MALRD1: variants seen among roughly 807,000 people sequenced by gnomAD.
MALRD1 encodes MAM and LDL-receptor class A domain-containing protein 1.
Under a neutral mutation model 242.1 loss-of-function variants are expected in MALRD1, and 247 were observed. The ratio of observed to expected loss-of-function variants is 1.02; its 90% CI spans 0.92 to 1.13. The LOEUF (loss-of-function observed/expected upper bound fraction) is 1.13. Ranked by LOEUF, MALRD1 falls within the 50% of genes most tolerant of loss-of-function variation. The pLI, the probability that MALRD1 is intolerant of heterozygous loss-of-function variation, is 0.00. For missense variants in MALRD1, 2,989 were observed against 2,533.1 expected, an observed-to-expected ratio of 1.18 and a Z score of -3.86; for synonymous variants, 995 against 866.6, an observed-to-expected ratio of 1.15 and a Z score of -2.60.
intron 2 of MALRD1, among the ~76,000 whole-genome samples, chr10:19,082,658 A>T (rs79675557): frequency 6.0e-5 from 2 of 33,060 alleles, no homozygotes; most frequent in African/African-American, 1.4e-4. Context: ...TTCTCACTTT[A>T]AAAAAAAACC....
intron 12 of MALRD1, among the ~76,000 whole-genome samples, chr10:19,159,568 T>C (rs1481209661): frequency 6.6e-6 from 1 of 151,426 alleles, no homozygotes; most frequent in African/African-American, 2.4e-5. Context: ...TAGAACGAAG[T>C]CCACAGGGAA....
chr10:19,114,670 G>A (rs190509803), intron 5 of MALRD1, among the ~76,000 whole-genome samples: 9 of 152,038 alleles, frequency 5.9e-5, no homozygotes, highest in African/African-American at 1.7e-4. Flanking sequence ...TTTCACATAT[G>A]TGGACCACTA....
chr10:19,199,315 T>A (rs2131603117), intron 14 of MALRD1, among the ~76,000 whole-genome samples: 1 of 152,328 alleles, frequency 6.6e-6, no homozygotes, highest in Non-Finnish European at 1.5e-5. Context: ...TAAAAACACA[T>A]AGCATAATGC....
Position 19,165,677 on chromosome 10 carries a change from C to T in MALRD1, c.1697C>T (p.Ser566Leu), listed in dbSNP as rs1834658061. The T allele has an allele frequency of 8.1e-7, 1 of 1,231,488 alleles. No individual in the cohort carries two copies. The highest frequency in any genetic ancestry group is 4.2e-5 in the Admixed American group (1 of 23,688). The allele number at this position is 1,231,488 out of a possible 1,614,324, so 76.3% of individuals were successfully genotyped here. A position where few individuals can be genotyped will look rare whatever the true frequency, so the allele number is the denominator to read the frequency against. ...WYHLSQHSNL[S>L]VFTRTSLDGN... ...CATTTGTCTCAACATTCAAATCTCT[C>T]AGTTTTTACAAGAACGTCTCTAGAT... The change falls in exon 13 of 40, where the codon TCA becomes TTA. Residue 566 changes from serine (S) to leucine (L), a missense_variant. By Grantham distance (145) the Ser-to-Leu change is moderately radical (BLOSUM62 -2). Transcript: ENST00000454679.
At chr10:19,308,759 T>C (rs1842320368) in intron 21 of MALRD1, among the ~76,000 whole-genome samples, 1 of 151,540 alleles carries the variant, frequency 6.6e-6, no homozygotes, top group Non-Finnish European at 1.5e-5. Context: ...AGTGTGCCTT[T>C]CCTATCTCAG....
chr10:19,527,582 C>T (rs1834161529), intron 31 of MALRD1, among the ~76,000 whole-genome samples: 1 of 152,116 alleles, frequency 6.6e-6, no homozygotes, highest in East Asian at 1.9e-4. Context: ...ATAGAATCTG[C>T]TTCTGAGATG....
At chr10:19,652,412 A>G (rs1043393062) in intron 36 of MALRD1, among the ~76,000 whole-genome samples, 1 of 152,212 alleles carries the variant, frequency 6.6e-6, no homozygotes, top group African/African-American at 2.4e-5. Context: ...CCCATATGAG[A>G]GAGGCATGGA....
chr10:19,392,371 C>T (rs918646726), intron 28 of MALRD1, among the ~76,000 whole-genome samples: 1 of 152,148 alleles, frequency 6.6e-6, no homozygotes, highest in Non-Finnish European at 1.5e-5. Context: ...AAGTGTTCCA[C>T]ACTGACTTTA....
chr10:19,216,142 G>T (rs1448114107), intron 18 of MALRD1, among the ~76,000 whole-genome samples: 4 of 124,120 alleles, frequency 3.2e-5, no homozygotes, highest in African/African-American at 1.2e-4. Context: ...TTTTGAGACA[G>T]CGTCTTTCTC....
chr10:19,491,741 T>C (rs2131220127), intron 30 of MALRD1, 96 bp downstream of exon 30: 3 of 1,350,532 alleles, frequency 2.2e-6, no homozygotes, highest in Middle Eastern at 1.9e-4. Context: ...AGAAGAAATA[T>C]TATTTTCATG....
At chr10:19,066,214 C>T (rs547842298) in intron 1 of MALRD1, among the ~76,000 whole-genome samples, 15 of 152,178 alleles carry the variant, frequency 9.9e-5, no homozygotes, top group South Asian at 4.1e-4. Context: ...AAAATCTTTA[C>T]GCGTTAAGTC....
rs149003971 is a variant in MALRD1, at chr10:19,057,954, T to A, written c.200-8765T>A. Among the ~76,000 whole-genome samples the A allele has an allele frequency of 6.1e-3, 930 of 152,346 alleles. 9 individuals are homozygous for A. The highest frequency in any genetic ancestry group is 0.022 in the African/African-American group (896 of 41,582). ...ATATTAAGCATATGTGTAATATATT[T>A]AACAAATAAAGTTGGCCTTCCAAAT... On this transcript the variant is annotated intron_variant, in intron 1 of 39. Coordinates refer to ENST00000454679, the MANE Select transcript of MALRD1 (RefSeq NM_001142308.3).
intron 5 of MALRD1, among the ~76,000 whole-genome samples, chr10:19,107,020 A>C (rs576527571): frequency 6.6e-6 from 1 of 152,142 alleles, no homozygotes; most frequent in South Asian, 2.1e-4. Flanking sequence ...CTTTTAAAAA[A>C]TGGTTGAGAC....
intron 14 of MALRD1, 88 bp downstream of exon 14, chr10:19,175,416 A>G (rs1180232506): frequency 6.5e-6 from 6 of 928,184 alleles, no homozygotes; most frequent in Non-Finnish European, 8.1e-6. Context: ...AGAGTCACGA[A>G]TACCTAATAC....
At chr10:19,082,598 C>G (rs960470150) in intron 2 of MALRD1, among the ~76,000 whole-genome samples, 2 of 151,686 alleles carry the variant, frequency 1.3e-5, no homozygotes, top group African/African-American at 4.8e-5. Flanking sequence ...GTATTGATTG[C>G]TTTGCTTTTT....
chr10:19,171,449 T>TGCAC (rs1834926808), intron 13 of MALRD1, among the ~76,000 whole-genome samples: 1 of 133,296 alleles, frequency 7.5e-6, no homozygotes, highest in African/African-American at 2.8e-5. Context: ...TATATATATA[T>TGCAC]ATATATATAC....
intron 21 of MALRD1, among the ~76,000 whole-genome samples, chr10:19,288,921 A>G (rs1304661548): frequency 4.6e-5 from 7 of 152,036 alleles, no homozygotes; most frequent in African/African-American, 4.8e-5. Context: ...GAGATTCACA[A>G]TATCTTTAAC....
intron 36 of MALRD1, among the ~76,000 whole-genome samples, chr10:19,623,537 CA>C (rs1454772357): frequency 1.3e-5 from 2 of 152,138 alleles, no homozygotes; most frequent in East Asian, 3.9e-4. Flanking sequence ...TGATGTAATT[CA>C]ATCCCAGTTT....
intron 18 of MALRD1, among the ~76,000 whole-genome samples, chr10:19,238,525 TA>T (rs1838572817): frequency 2.1e-5 from 2 of 96,582 alleles, no homozygotes; most frequent in East Asian, 3.0e-4. Flanking sequence ...ATATTATATA[TA>T]ATATACATTA....
Sources: allele counts gnomAD v4.1 joint callset (sites outside exome capture counted in the v4.1 genomes callset), GRCh38; gene constraint gnomAD v4.1.1; transcripts MANE v1.5; gene names NCBI Gene and HGNC (gene_info 2026-07-23, HGNC 2026-07-21).